CPNE1: variants seen among roughly 807,000 people sequenced by gnomAD.
CPNE1 encodes the protein copine-1.
Under a neutral mutation model 63.2 loss-of-function variants are expected in CPNE1, and 58 were observed. That is an observed-to-expected ratio of 0.92 (90% confidence interval 0.74 to 1.14). The LOEUF (loss-of-function observed/expected upper bound fraction) is 1.14, where lower values mean the gene tolerates loss of function less well. CPNE1 is among the 50% of genes most tolerant of loss of function. CPNE1 has a pLI of 0.00. For synonymous variants in CPNE1, 237 were observed against 249.0 expected (o/e 0.95, Z 0.45); for missense variants, 672 against 661.7 (o/e 1.02, Z -0.17).
At chr20:35,654,651 G>GGGCACAGGA (rs768028697) in intron 1 of CPNE1, 1 of 1,613,820 alleles carries the variant, frequency 6.2e-7, no homozygotes. Flanking sequence ...GGGGAATCGG[G>GGGCACAGGA]GGCACAGGAG....
intron 1 of CPNE1, among the ~76,000 whole-genome samples, chr20:35,657,830 G>A (rs562048697): frequency 6.6e-6 from 1 of 152,268 alleles, no homozygotes; most frequent in South Asian, 2.1e-4. Flanking sequence ...GGAGGATGAG[G>A]TGGGTGGATC....
chr20:35,643,260 C>T (rs897331520), intron 1 of CPNE1: 18 of 158,618 alleles, frequency 1.1e-4, no homozygotes, highest in Non-Finnish European at 2.3e-4. Flanking sequence ...ATGCATCTGT[C>T]CCGAAGCTGC....
chr20:35,648,721 C>A lies in CPNE1; in HGVS notation c.1-15798G>T, dbSNP rs73616688. Among the ~76,000 whole-genome samples the A allele has an allele frequency of 6.4e-3, 969 of 152,338 alleles. 8 individuals are homozygous for A. Among genetic ancestry groups the A allele is most frequent in the East Asian group, 0.041 (210 of 5,184 alleles). The stretch of plus-strand genomic sequence containing the variant: ...ATTCTGAAAAGGTGGATACTATGGA[C>A]TTGAATCAAGTTTCCTCCCTGCTGT... On this transcript the variant is annotated intron_variant, in intron 1 of 15. Coordinates refer to ENST00000397443, the MANE Select transcript of CPNE1 (RefSeq NM_152925.3).
intron 1 of CPNE1, among the ~76,000 whole-genome samples, chr20:35,634,028 A>G (rs1191062859): frequency 2.7e-5 from 4 of 150,774 alleles, no homozygotes; most frequent in African/African-American, 9.8e-5. Flanking sequence ...TTGGGAGGCC[A>G]AGGTGGGTGG....
chr20:35,650,995 G>T (rs554778377), intron 1 of CPNE1: 1 of 152,606 alleles, frequency 6.6e-6, no homozygotes, highest in African/African-American at 2.4e-5. Context: ...CTCTCCTTCT[G>T]TATTGTTTAT....
intron 1 of CPNE1, chr20:35,654,075 C>T (rs146839021): frequency 1.2e-6 from 2 of 1,614,068 alleles, no homozygotes; most frequent in African/African-American, 2.7e-5. Flanking sequence ...ATCTTTTCTG[C>T]CCACTGGGCG....
chr20:35,645,845 T>C (rs902013860), intron 1 of CPNE1, among the ~76,000 whole-genome samples: 2 of 152,196 alleles, frequency 1.3e-5, no homozygotes, highest in African/African-American at 4.8e-5. Flanking sequence ...CAATCTAATG[T>C]GTGGAGTATA....
At chr20:35,652,214 T>C (rs2146341839) in intron 1 of CPNE1, 1 of 229,482 alleles carries the variant, frequency 4.4e-6, no homozygotes, top group Non-Finnish European at 8.5e-6. Flanking sequence ...CCATATGGTA[T>C]AAAACAAAAC....
chr20:35,626,247 CTGGGGGGCCTG>C lies in CPNE1; in HGVS notation c.1597_1607del (p.Gln533GlyfsTer33). The stretch of plus-strand genomic sequence containing the variant: ...CCACAGCCTCCAAGGGAACCTAGGC[CTGGGGGGCCTG>C]TGCAGGATCCTTGGCTGAGGGTGGA... On this transcript the variant is annotated frameshift_variant, in exon 16 of 16. Coordinates refer to ENST00000397443, the MANE Select transcript of CPNE1 (RefSeq NM_152925.3). LOFTEE classifies it high-confidence loss of function. 1 of 1,614,130 alleles carries C rather than the reference CTGGGGGGCCTG, an allele frequency of 6.2e-7. No individual in the cohort carries two copies. Among genetic ancestry groups the C allele is most frequent in the South Asian group, 1.1e-5 (1 of 91,080 alleles).
intron 1 of CPNE1, among the ~76,000 whole-genome samples, chr20:35,648,684 C>G (rs866672377): frequency 6.6e-6 from 1 of 152,190 alleles, no homozygotes; most frequent in African/African-American, 2.4e-5. Flanking sequence ...GCCAACACAT[C>G]ATACACATAA....
At chr20:35,633,045 C>A in intron 1 of CPNE1, 122 bp from the exon 2 acceptor site, 1 of 719,040 alleles carries the variant, frequency 1.4e-6, no homozygotes, top group East Asian at 2.6e-5. Flanking sequence ...CGTCCACCCC[C>A]GTGACACCCA....
intron 1 of CPNE1, among the ~76,000 whole-genome samples, chr20:35,663,123 A>T (rs1019440823): frequency 6.6e-6 from 1 of 152,220 alleles, no homozygotes; most frequent in Non-Finnish European, 1.5e-5. Flanking sequence ...AACCACCTGT[A>T]ACAGTTCTTC....
rs767697870 is a variant in CPNE1, at chr20:35,626,287, G to A, written c.1568C>T (p.Pro523Leu). 6.2e-7 allele frequency: 1 copy of A among 1,614,096 alleles called. No individual in the cohort carries two copies. Among genetic ancestry groups the A allele is most frequent in the Non-Finnish European group, 8.5e-7 (1 of 1,180,010 alleles). Residue 523 changes from proline (P) to leucine (L), a missense_variant, in exon 16 of 16, where the codon CCA becomes CTA. Physicochemically the swap from Pro to Leu is moderately conservative, Grantham distance 98 (BLOSUM62 -3). Transcript: ENST00000397443. ...AGGATCCTTGGCTGAGGGTGGAAGT[G>A]GCTTGAGCGGGGCCCAACCCTGGGC... is the stretch of plus-strand genomic sequence containing the variant. The part of the protein sequence containing the change: ...FRAQGWAPLK[P>L]LPPSAKDPAQ...
intron 1 of CPNE1, among the ~76,000 whole-genome samples, chr20:35,641,072 A>G (rs1240703730): frequency 3.3e-5 from 5 of 152,098 alleles, no homozygotes; most frequent in East Asian, 3.8e-4. Context: ...GCCAACCTCA[A>G]TGTGCCCTAG....
intron 13 of CPNE1, among the ~76,000 whole-genome samples, chr20:35,629,894 A>G (rs1353350390): frequency 6.6e-6 from 1 of 152,088 alleles, no homozygotes; most frequent in Non-Finnish European, 1.5e-5. Flanking sequence ...CCTGGGCTCA[A>G]GCGATCCACC....
chr20:35,647,033 G>A (rs776890039), intron 1 of CPNE1, among the ~76,000 whole-genome samples: 34 of 152,110 alleles, frequency 2.2e-4, no homozygotes, highest in Non-Finnish European at 3.5e-4. Context: ...AAATAGGGCC[G>A]GGCATGGTGG....
chr20:35,630,769 A>G lies in CPNE1; in HGVS notation c.1022T>C (p.Phe341Ser). 1 of 1,613,998 alleles carries G rather than the reference A, an allele frequency of 6.2e-7. No homozygotes were observed. Among genetic ancestry groups the G allele is most frequent in the Non-Finnish European group, 8.5e-7 (1 of 1,179,934 alleles). ...CCAGTCAGGGGGAACCTGGGCCCCA[A>G]ATCCAAATGCAGGGAACAGCTTGTC... ...DSDKLFPAFG[F>S]GAQVPPDWQV... The change falls in exon 12 of 16, where the codon TTT (phenylalanine) becomes TCT (serine). Residue 341 changes from phenylalanine (F) to serine (S), a missense_variant. Phe to Ser is a radical substitution (Grantham distance 155). Coordinates refer to ENST00000397443, the MANE Select transcript of CPNE1 (RefSeq NM_152925.3).
chr20:35,644,618 T>G (rs1187379069), intron 1 of CPNE1, among the ~76,000 whole-genome samples: 1 of 152,150 alleles, frequency 6.6e-6, no homozygotes, highest in Non-Finnish European at 1.5e-5. Context: ...ACATAACTGA[T>G]GGAACCACGA....
chr20:35,651,058 C>T (rs2033478911), intron 1 of CPNE1: 1 of 152,096 alleles, frequency 6.6e-6, no homozygotes, highest in Non-Finnish European at 1.5e-5. Context: ...TAACTAGAGC[C>T]CTGTAAGGCC....
Sources: allele counts gnomAD v4.1 joint callset (sites outside exome capture counted in the v4.1 genomes callset), GRCh38; gene constraint gnomAD v4.1.1; transcripts MANE v1.5; gene names NCBI Gene and HGNC (gene_info 2026-07-23, HGNC 2026-07-21).